PRAC2: variants seen among roughly 807,000 people sequenced by gnomAD.
PRAC2 encodes the protein protein PRAC2.
For synonymous variants in PRAC2, 43 were observed against 49.5 expected, an observed-to-expected ratio of 0.87 and a Z score of 0.55; for missense variants, 92 against 114.5, an observed-to-expected ratio of 0.80 and a Z score of 0.90.
Position 48,724,311 on chromosome 17 carries a change from A to C in PRAC2, c.-83-17A>C. 8.2e-7 allele frequency: 1 copy of C among 1,215,068 alleles called. No individual in the cohort carries two copies. The highest frequency in any genetic ancestry group is 1.0e-6 in the Non-Finnish European group (1 of 970,834). 75.3% of individuals were successfully genotyped at this position (1,215,068 alleles called of 1,614,324 possible). On this transcript the variant is annotated splice_polypyrimidine_tract_variant and intron_variant, in intron 1 of 1. Transcript: ENST00000422730. ...AAAGCGTTTAATACAAAACGAAATTAAATATTTTTTGCACAGGTTCCATAC... is the reference window on the plus strand; with the variant it reads ...AAAGCGTTTAATACAAAACGAAATTCAATATTTTTTGCACAGGTTCCATAC...
upstream of PRAC2, chr17:48,721,691 G>T (rs187312840): frequency 2.6e-6 from 3 of 1,132,512 alleles, no homozygotes; most frequent in African/African-American, 1.6e-5. Context: ...AAGAAAAATT[G>T]TTATAATCAC....
At chr17:48,719,781 T>G (rs997893078), upstream of PRAC2, among the ~76,000 whole-genome samples, 7 of 152,170 alleles carry the variant, frequency 4.6e-5, no homozygotes, top group African/African-American at 1.7e-4. Flanking sequence ...AATCCGGCTT[T>G]TAGCTGCAGG....
At chr17:48,721,730 A>T (rs998589120), upstream of PRAC2, 9 of 1,345,188 alleles carry the variant, frequency 6.7e-6, no homozygotes, top group Admixed American at 1.4e-4. Flanking sequence ...TTCCTTTTTT[A>T]AAAAAATTTT....
chr17:48,724,146 G>A (rs181128161), intron 1 of PRAC2, among the ~76,000 whole-genome samples, 182 bp from the exon 2 acceptor site: 3 of 152,284 alleles, frequency 2.0e-5, no homozygotes, highest in African/African-American at 7.2e-5. Context: ...GCTTAACATA[G>A]CCCTTATGTA....
At chr17:48,718,804 C>G (rs1299088082), upstream of PRAC2, among the ~76,000 whole-genome samples, 1 of 152,186 alleles carries the variant, frequency 6.6e-6, no homozygotes, top group African/African-American at 2.4e-5. Flanking sequence ...TTCAAGCAAG[C>G]TCTGCGGCAG....
chr17:48,719,228 C>T (rs1467053547), upstream of PRAC2, among the ~76,000 whole-genome samples: 2 of 151,948 alleles, frequency 1.3e-5, no homozygotes, highest in African/African-American at 4.8e-5. Context: ...CACACACACA[C>T]ACACACACAC....
At chr17:48,720,966 C>T (rs117595150), upstream of PRAC2, among the ~76,000 whole-genome samples, 4,158 of 152,274 alleles carry the variant, frequency 0.027, 174 homozygotes, top group Admixed American at 0.12. Flanking sequence ...GATCAAGTAA[C>T]TTACCCTCTT....
At chr17:48,720,065 G>T (rs1000662927), upstream of PRAC2, among the ~76,000 whole-genome samples, 3 of 152,238 alleles carry the variant, frequency 2.0e-5, no homozygotes, top group Non-Finnish European at 4.4e-5. Context: ...GACGGGCTGG[G>T]CCCACCTAGA....
At chr17:48,722,996 C>T (rs1456104572), upstream of PRAC2, among the ~76,000 whole-genome samples, 1 of 152,210 alleles carries the variant, frequency 6.6e-6, no homozygotes, top group African/African-American at 2.4e-5. Context: ...TTCTTTCCCT[C>T]ACTCTCCCCC....
intron 1 of PRAC2, 149 bp downstream of exon 1, chr17:48,723,462 G>T (rs181501916): frequency 1.8e-5 from 7 of 382,294 alleles, no homozygotes; most frequent in African/African-American, 4.1e-5. Flanking sequence ...TTAATGAAGG[G>T]GGGGAGGGGA....
chr17:48,722,345 G>C, upstream of PRAC2: 1 of 1,614,172 alleles, frequency 6.2e-7, no homozygotes, highest in Non-Finnish European at 8.5e-7. Flanking sequence ...CACTCTTGGA[G>C]GTAGTAAGAT....
chr17:48,722,505 C>T, upstream of PRAC2: 5 of 884,034 alleles, frequency 5.7e-6, no homozygotes, highest in Non-Finnish European at 9.4e-6. Context: ...ACGCCTTAGG[C>T]TAGGAGAGGA....
chr17:48,720,339 C>G (rs1177837998), upstream of PRAC2, among the ~76,000 whole-genome samples: 2 of 152,220 alleles, frequency 1.3e-5, no homozygotes, highest in African/African-American at 2.4e-5. Flanking sequence ...TCCGCACCGT[C>G]CTTCTATCCA....
chr17:48,719,148 G>A (rs1176129789), upstream of PRAC2, among the ~76,000 whole-genome samples: 1 of 152,174 alleles, frequency 6.6e-6, no homozygotes, highest in Non-Finnish European at 1.5e-5. Context: ...GAGATCGAGT[G>A]TTTGATCTTC....
At chr17:48,723,774 A>G in intron 1 of PRAC2, 3 of 1,231,536 alleles carry the variant, frequency 2.4e-6, no homozygotes, top group Non-Finnish European at 3.0e-6. Flanking sequence ...TTCCGGAGGT[A>G]GTTTCTACGC....
At chr17:48,719,399 G>GTT (rs947909860), upstream of PRAC2, among the ~76,000 whole-genome samples, 3 of 152,138 alleles carry the variant, frequency 2.0e-5, no homozygotes, top group African/African-American at 7.2e-5. Context: ...CATTTGCGAA[G>GTT]TTTAAGTTTC....
upstream of PRAC2, chr17:48,722,278 C>G: frequency 2.0e-6 from 3 of 1,533,042 alleles, no homozygotes; most frequent in South Asian, 2.2e-5. Context: ...CCATACTGAG[C>G]GATCCGTCGA....
upstream of PRAC2, among the ~76,000 whole-genome samples, chr17:48,720,238 G>A (rs904896655): frequency 6.6e-6 from 1 of 152,240 alleles, no homozygotes; most frequent in African/African-American, 2.4e-5. Flanking sequence ...GGGGACGTCT[G>A]ATTACTGCCC....
At position 48,723,644 on chromosome 17, in the gene PRAC2, G is replaced by C. The variant is rs545287212; in HGVS notation, c.-84+331G>C. ...TGCAGGGAAGGCGGGGCGGATTCTC[G>C]GCTGGCGGCGGCCTCGCAGGGTTCC... On this transcript the variant is annotated intron_variant, in intron 1 of 1. Transcript: ENST00000422730. The C allele has an allele frequency of 1.1e-4, 125 of 1,168,776 alleles. No individual in the cohort carries two copies. The African/African-American group carries it at 1.8e-3, about 17-fold the overall frequency. The allele number at this position is 1,168,776 out of a possible 1,614,324, so 72.4% of individuals were successfully genotyped here. A position where few individuals can be genotyped will look rare whatever the true frequency, so the allele number is the denominator to read the frequency against.
Sources: gnomAD v4.1 joint callset for allele counts (sites outside exome capture counted in the v4.1 genomes callset) on GRCh38, gnomAD v4.1.1 for gene constraint, MANE v1.5 for transcripts, NCBI Gene and HGNC (gene_info 2026-07-23, HGNC 2026-07-21) for gene names.